Variants in RALGPS2 observed in about 807,000 individuals in gnomAD.
RALGPS2 encodes Ral GEF with PH domain and SH3 binding motif 2, also known as ras-specific guanine nucleotide-releasing factor RalGPS2.
In RALGPS2, 43 loss-of-function variants were observed where a neutral mutation model predicts 86.8. That is an observed-to-expected ratio of 0.50 (90% CI 0.39 to 0.64). RALGPS2 has a LOEUF of 0.64. RALGPS2 is among the 30% of genes least tolerant of loss of function. The probability of loss-of-function intolerance (pLI) is 0.00; values close to 1 mark genes in which losing one functional copy is unlikely to be tolerated. For synonymous variants in RALGPS2, 243 were observed against 231.3 expected, an observed-to-expected ratio of 1.05 and a Z score of -0.46; for missense variants, 536 against 694.6, an observed-to-expected ratio of 0.77 and a Z score of 2.57.
intron 10 of RALGPS2, among the ~76,000 whole-genome samples, chr1:178,881,473 G>A (rs938421055): frequency 5.9e-5 from 9 of 152,054 alleles, no homozygotes; most frequent in East Asian, 1.9e-4. Context: ...TCTTGGAGAC[G>A]GAATCTCACT....
At position 178,920,557 on chromosome 1, in the gene RALGPS2, T is replaced by C. The variant is rs1292938473; in HGVS notation, c.*4198T>C. The C allele has an allele frequency of 6.6e-6, 1 of 152,026 alleles. No homozygotes were observed. Among genetic ancestry groups the C allele is most frequent in the Non-Finnish European group, 1.5e-5 (1 of 67,916 alleles). 9.4% of individuals were successfully genotyped at this position (152,026 alleles called of 1,614,324 possible). A position where few individuals can be genotyped will look rare whatever the true frequency, so the allele number is the denominator to read the frequency against. ...TGATTGTTGCAGTCTTCCTTGGTTT[T>C]TGAGTCTTTTTAAACAAGCTCCTAC... On this transcript the variant is annotated 3_prime_UTR_variant, in exon 20 of 20. Coordinates refer to ENST00000367635, the MANE Select transcript of RALGPS2 (RefSeq NM_152663.5).
intron 4 of RALGPS2, among the ~76,000 whole-genome samples, chr1:178,804,518 A>T (rs1051364070): frequency 1.4e-5 from 2 of 138,228 alleles, no homozygotes; most frequent in African/African-American, 5.4e-5. Context: ...ATGAGTGAGA[A>T]TATGCGGTGT....
chr1:178,831,632 C>T (rs903585029), intron 7 of RALGPS2, among the ~76,000 whole-genome samples: 3 of 149,556 alleles, frequency 2.0e-5, no homozygotes, highest in Non-Finnish European at 4.4e-5. Flanking sequence ...GCCCCGCCCC[C>T]CCCACCCCCA....
chr1:178,797,115 A>G (rs1041779738), intron 4 of RALGPS2, among the ~76,000 whole-genome samples: 1 of 152,186 alleles, frequency 6.6e-6, no homozygotes, highest in Non-Finnish European at 1.5e-5. Context: ...GCATCCTTTG[A>G]GTTGTTGAGT....
intron 8 of RALGPS2, among the ~76,000 whole-genome samples, chr1:178,844,357 T>C (rs996544050): frequency 1.3e-5 from 2 of 152,224 alleles, no homozygotes; most frequent in African/African-American, 4.8e-5. Context: ...CTACCAATTT[T>C]TGTGAAGCTT....
intron 7 of RALGPS2, among the ~76,000 whole-genome samples, chr1:178,826,873 A>C (rs1655769704): frequency 6.6e-6 from 1 of 152,206 alleles, no homozygotes; most frequent in African/African-American, 2.4e-5. Flanking sequence ...GAAAGTTATA[A>C]AACTTTACAG....
At chr1:178,798,285 C>T (rs1231520296) in intron 4 of RALGPS2, among the ~76,000 whole-genome samples, 1 of 152,076 alleles carries the variant, frequency 6.6e-6, no homozygotes, top group African/African-American at 2.4e-5. Context: ...ATTTTGTAAC[C>T]ACCTCGCGTT....
At chr1:178,833,774 T>A (rs1572380007) in intron 8 of RALGPS2, among the ~76,000 whole-genome samples, 1 of 152,196 alleles carries the variant, frequency 6.6e-6, no homozygotes, top group East Asian at 1.9e-4. Flanking sequence ...CTTAGACTAT[T>A]ATGTTTTCTT....
intron 1 of RALGPS2, among the ~76,000 whole-genome samples, chr1:178,763,978 G>A (rs1652376204): frequency 6.6e-6 from 1 of 152,024 alleles, no homozygotes; most frequent in South Asian, 2.1e-4. Flanking sequence ...TCTTGTCTGT[G>A]TGGAGTGTTC....
intron 8 of RALGPS2, among the ~76,000 whole-genome samples, chr1:178,874,182 A>C (rs1658895349): frequency 6.6e-6 from 1 of 152,222 alleles, no homozygotes; most frequent in Non-Finnish European, 1.5e-5. Flanking sequence ...GGAAGCAAGG[A>C]GATGAAGTAG....
intron 18 of RALGPS2, among the ~76,000 whole-genome samples, chr1:178,904,159 A>G (rs542463870): frequency 4.0e-5 from 6 of 151,894 alleles, no homozygotes; most frequent in African/African-American, 1.4e-4. Flanking sequence ...TTCTTTTGAG[A>G]ATTGTCTATT....
At chr1:178,786,250 A>G (rs149645962) in intron 4 of RALGPS2, among the ~76,000 whole-genome samples, 20 of 152,180 alleles carry the variant, frequency 1.3e-4, no homozygotes, top group Admixed American at 9.2e-4. Context: ...ATTTGGCTGC[A>G]TTACTTACTG....
chr1:178,748,279 C>G (rs1237947152), intron 1 of RALGPS2, among the ~76,000 whole-genome samples: 2 of 149,926 alleles, frequency 1.3e-5, no homozygotes, highest in Non-Finnish European at 3.0e-5. Context: ...AAGATTGTGC[C>G]ACTGCACTCC....
chr1:178,875,746 G>GAA (rs558495006), intron 8 of RALGPS2, among the ~76,000 whole-genome samples: 1 of 148,352 alleles, frequency 6.7e-6, no homozygotes, highest in Admixed American at 6.7e-5. Flanking sequence ...ACTCTTTCTT[G>GAA]AAAAAAAAAA....
chr1:178,730,283 T>G (rs1650262696), intron 1 of RALGPS2, among the ~76,000 whole-genome samples: 1 of 152,208 alleles, frequency 6.6e-6, no homozygotes, highest in Non-Finnish European at 1.5e-5. Flanking sequence ...AGCTGTTGTC[T>G]GTTGGCTTTC....
intron 8 of RALGPS2, among the ~76,000 whole-genome samples, chr1:178,871,794 C>T (rs1446595476): frequency 6.6e-6 from 1 of 152,104 alleles, no homozygotes; most frequent in Non-Finnish European, 1.5e-5. Flanking sequence ...ACAAACATAA[C>T]CCTGAACTGA....
rs1434660540 is a variant in RALGPS2 at position 178,853,919 on chromosome 1, A to G, written c.607+20369A>G. On this transcript the variant is annotated intron_variant, in intron 8 of 19. Transcript: ENST00000367635. The stretch of plus-strand genomic sequence containing the variant: ...TTGTTTATCATATATACAATATTAT[A>G]AAATATAACTAAATAAAAGGGTGAC... 7 of 538,098 alleles carry G rather than the reference A, an allele frequency of 1.3e-5. No individual in the cohort carries two copies. The Admixed American group carries it at 2.8e-4, about 22-fold the overall frequency. The allele number at this position is 538,098 out of a possible 1,614,324, so 33.3% of individuals were successfully genotyped here. A position where few individuals can be genotyped will look rare whatever the true frequency, so the allele number is the denominator to read the frequency against.
At chr1:178,813,950 C>T (rs1655109324) in intron 6 of RALGPS2, among the ~76,000 whole-genome samples, 1 of 152,066 alleles carries the variant, frequency 6.6e-6, no homozygotes, top group South Asian at 2.1e-4. Flanking sequence ...TCAAACTTAC[C>T]ATCACATAGA....
At chr1:178,905,285 T>C (rs1660345179) in intron 18 of RALGPS2, among the ~76,000 whole-genome samples, 1 of 152,230 alleles carries the variant, frequency 6.6e-6, no homozygotes, top group South Asian at 2.1e-4. Context: ...TGGATTTAGT[T>C]AACAGATTCT....
Sources: gnomAD v4.1 joint callset for allele counts (sites outside exome capture counted in the v4.1 genomes callset) on GRCh38, gnomAD v4.1.1 for gene constraint, MANE v1.5 for transcripts, NCBI Gene and HGNC (gene_info 2026-07-23, HGNC 2026-07-21) for gene names.